The following C8orf34 variants were observed in gnomAD, a reference collection of about 807,000 sequenced individuals.
The protein encoded by C8orf34 is chromosome 8 open reading frame 34.
Under a neutral mutation model 68.3 loss-of-function variants are expected in C8orf34, and 65 were observed. The ratio of observed to expected loss-of-function variants is 0.95; its 90% CI spans 0.78 to 1.17. The LOEUF (loss-of-function observed/expected upper bound fraction) is 1.17. Among genes scored for constraint, C8orf34 ranks in the 50% most tolerant of loss-of-function variants. C8orf34 has a pLI of 0.00. For missense variants in C8orf34, 664 were observed against 655.4 expected, an observed-to-expected ratio of 1.01 and a Z score of -0.14; for synonymous variants, 244 against 241.2, an observed-to-expected ratio of 1.01 and a Z score of -0.11.
At chr8:68,692,765 A>G (rs1160018564) in intron 8 of C8orf34, among the ~76,000 whole-genome samples, 1 of 152,078 alleles carries the variant, frequency 6.6e-6, no homozygotes, top group Non-Finnish European at 1.5e-5. Context: ...CTGTCTTGCT[A>G]CTAGGCAAAT....
At chr8:68,411,714 G>A (rs1482820007) in intron 1 of C8orf34, among the ~76,000 whole-genome samples, 2 of 152,184 alleles carry the variant, frequency 1.3e-5, no homozygotes, top group Non-Finnish European at 1.5e-5. Flanking sequence ...TGTATTACCA[G>A]CAATTACATC....
chr8:68,679,563 G>GA (rs553983210), intron 8 of C8orf34, among the ~76,000 whole-genome samples: 105 of 152,052 alleles, frequency 6.9e-4, no homozygotes, highest in Middle Eastern at 3.4e-3. Context: ...CACAGATATA[G>GA]AAAAAAACCA....
chr8:68,680,547 C>T (rs1350604497), intron 8 of C8orf34, among the ~76,000 whole-genome samples: 1 of 152,034 alleles, frequency 6.6e-6, no homozygotes, highest in Non-Finnish European at 1.5e-5. Flanking sequence ...GGGTGTAAAA[C>T]AGGGAGTAGC....
intron 1 of C8orf34, among the ~76,000 whole-genome samples, chr8:68,379,892 C>T (rs1807959795): frequency 6.6e-6 from 1 of 152,138 alleles, no homozygotes; most frequent in Admixed American, 6.5e-5. Context: ...CACTCTGTTA[C>T]CCAAGCTGGA....
intron 1 of C8orf34, among the ~76,000 whole-genome samples, chr8:68,353,619 C>T (rs942346921): frequency 4.5e-5 from 6 of 134,510 alleles, no homozygotes; most frequent in Admixed American, 7.9e-5. Context: ...TATATATATA[C>T]AGTTGATTAT....
At chr8:68,768,920 C>T (rs1823261394) in intron 10 of C8orf34, among the ~76,000 whole-genome samples, 1 of 150,696 alleles carries the variant, frequency 6.6e-6, no homozygotes, top group Non-Finnish European at 1.5e-5. Flanking sequence ...TATATTACTT[C>T]ATTCTTCTTT....
intron 3 of C8orf34, among the ~76,000 whole-genome samples, chr8:68,464,936 C>T (rs572844100): frequency 1.3e-5 from 2 of 151,550 alleles, no homozygotes; most frequent in African/African-American, 4.9e-5. Flanking sequence ...CAACAAAAGC[C>T]AAAATTGACA....
chr8:68,489,226 T>C (rs1462136505), intron 5 of C8orf34, among the ~76,000 whole-genome samples: 1 of 152,162 alleles, frequency 6.6e-6, no homozygotes, highest in East Asian at 1.9e-4. Context: ...GATGTGTAGC[T>C]GGAAAGAGAG....
At chr8:68,735,115 T>C (rs1179528709) in intron 10 of C8orf34, among the ~76,000 whole-genome samples, 4 of 152,194 alleles carry the variant, frequency 2.6e-5, no homozygotes, top group African/African-American at 9.6e-5. Flanking sequence ...GTAGGTATGA[T>C]TGGAACCTAT....
intron 12 of C8orf34, among the ~76,000 whole-genome samples, chr8:68,812,622 A>G (rs951514438): frequency 2.0e-5 from 3 of 152,224 alleles, no homozygotes; most frequent in African/African-American, 7.2e-5. Flanking sequence ...CCTATTAAGA[A>G]AAGTTTAATC....
chr8:68,802,224 C>T (rs1824351885), intron 12 of C8orf34, among the ~76,000 whole-genome samples: 1 of 152,046 alleles, frequency 6.6e-6, no homozygotes, highest in African/African-American at 2.4e-5. Context: ...CCTCAGCCTC[C>T]CGAGTAGCTG....
chr8:68,719,180 T>C (rs916920496), intron 9 of C8orf34, among the ~76,000 whole-genome samples: 18 of 152,146 alleles, frequency 1.2e-4, no homozygotes, highest in Admixed American at 7.9e-4. Context: ...TGGTCCCTAC[T>C]AGCTTGTTAG....
intron 10 of C8orf34, among the ~76,000 whole-genome samples, chr8:68,766,434 T>C (rs1157462654): frequency 1.3e-5 from 2 of 152,256 alleles, no homozygotes; most frequent in Non-Finnish European, 2.9e-5. Context: ...CTATTGATTT[T>C]TTTAAAGAGC....
chr8:68,663,917 A>G (rs1819760729), intron 8 of C8orf34, among the ~76,000 whole-genome samples: 1 of 152,204 alleles, frequency 6.6e-6, no homozygotes, highest in African/African-American at 2.4e-5. Context: ...AGTGACTTTT[A>G]CTCAGCCCAC....
chr8:68,404,489 A>C (rs893968924), intron 1 of C8orf34, among the ~76,000 whole-genome samples: 1 of 152,042 alleles, frequency 6.6e-6, no homozygotes, highest in African/African-American at 2.4e-5. Flanking sequence ...GTTTTCTTCT[A>C]GGGTTTTTAT....
intron 7 of C8orf34, among the ~76,000 whole-genome samples, chr8:68,599,124 A>C (rs1029504662): frequency 6.6e-6 from 1 of 152,080 alleles, no homozygotes; most frequent in Non-Finnish European, 1.5e-5. Context: ...AAACAATCCC[A>C]AAATACTACT....
At chr8:68,613,040 T>C (rs1818069504) in intron 7 of C8orf34, among the ~76,000 whole-genome samples, 1 of 152,218 alleles carries the variant, frequency 6.6e-6, no homozygotes, top group Admixed American at 6.6e-5. Context: ...GGTTTTGCAG[T>C]ATACAAAGTA....
intron 8 of C8orf34, among the ~76,000 whole-genome samples, chr8:68,670,489 A>AAGG (rs1819975315): frequency 6.6e-6 from 1 of 152,216 alleles, no homozygotes; most frequent in African/African-American, 2.4e-5. Flanking sequence ...TTGAGAGATT[A>AAGG]CCTGGAAGAC....
At chr8:68,762,051 C>T (rs1270696851) in intron 10 of C8orf34, among the ~76,000 whole-genome samples, 1 of 152,158 alleles carries the variant, frequency 6.6e-6, no homozygotes, top group Non-Finnish European at 1.5e-5. Flanking sequence ...TCACTCACCC[C>T]CTTGGCTGTG....
Sources: gnomAD v4.1 joint callset for allele counts (sites outside exome capture counted in the v4.1 genomes callset) on GRCh38, gnomAD v4.1.1 for gene constraint, MANE v1.5 for transcripts, NCBI Gene and HGNC (gene_info 2026-07-23, HGNC 2026-07-21) for gene names.